Variants in SAMD4B observed in about 807,000 individuals in gnomAD.
SAMD4B encodes the protein sterile alpha motif domain containing 4B, also known as protein Smaug homolog 2.
In SAMD4B, 5 loss-of-function variants were observed where a neutral mutation model predicts 74.5. The ratio of observed to expected loss-of-function variants is 0.07; its 90% CI spans 0.04 to 0.14. The LOEUF (loss-of-function observed/expected upper bound fraction) is 0.14. Ranked by LOEUF, SAMD4B falls within the 10% of genes least tolerant of loss-of-function variation. The pLI, the probability that SAMD4B is intolerant of heterozygous loss-of-function variation, is 1.00. For synonymous variants in SAMD4B, 373 were observed against 374.9 expected (o/e 1.00, Z 0.06); for missense variants, 608 against 921.8 (o/e 0.66, Z 4.41).
chr19:39,351,826 C>T (rs1025805809), intron 1 of SAMD4B: 2 of 152,136 alleles, frequency 1.3e-5, no homozygotes, highest in Non-Finnish European at 2.9e-5. Flanking sequence ...GTAGTTCCAG[C>T]AAAAATCCAG....
intron 4 of SAMD4B, among the ~76,000 whole-genome samples, chr19:39,373,979 A>G (rs1293849585): frequency 6.7e-6 from 1 of 149,316 alleles, no homozygotes; most frequent in Non-Finnish European, 1.5e-5. Flanking sequence ...AAATATATAT[A>G]TATATGACCA....
chr19:39,366,808 C>T (rs1427830112), intron 3 of SAMD4B, among the ~76,000 whole-genome samples: 1 of 151,970 alleles, frequency 6.6e-6, no homozygotes, highest in African/African-American at 2.4e-5. Flanking sequence ...TCCTTGGAAT[C>T]GTAAAGGCCT....
rs1195139048 is a variant in SAMD4B at position 39,378,350 on chromosome 19, CATG to C, written c.1445-151_1445-149del. The stretch of plus-strand genomic sequence containing the variant: ...TGTCAGGCACTATGTTGTATATCCT[CATG>C]ATAACCCAAATACCATGGCTAGCAC... On this transcript the variant is annotated intron_variant, in intron 8 of 13. Coordinates refer to ENST00000610417, the MANE Select transcript of SAMD4B (RefSeq NM_001384574.2). The surrounding 1 kb of genome is among the most constrained non-coding windows in gnomAD (Gnocchi z 4.4). Among the ~76,000 whole-genome samples the C allele has an allele frequency of 6.6e-6, 1 of 152,196 alleles. No individual in the cohort carries two copies.
At chr19:39,388,302 C>T, downstream of SAMD4B, 2 of 1,612,046 alleles carry the variant, frequency 1.2e-6, no homozygotes, top group East Asian at 2.2e-5. Flanking sequence ...TTAAGAAGCA[C>T]AGATCCAGGC....
At chr19:39,351,079 T>G (rs2076013573) in intron 1 of SAMD4B, 1 of 152,182 alleles carries the variant, frequency 6.6e-6, no homozygotes, top group African/African-American at 2.4e-5. Flanking sequence ...CCTCCCGGGC[T>G]CAAGTGATTC....
At chr19:39,342,953 C>T (rs1230095658) in intron 1 of SAMD4B, among the ~76,000 whole-genome samples, 1 of 151,790 alleles carries the variant, frequency 6.6e-6, no homozygotes, top group East Asian at 1.9e-4. Context: ...CCACCCCTCC[C>T]GTGGAGTCGC....
chr19:39,374,513 G>A (rs1264595414), intron 4 of SAMD4B, among the ~76,000 whole-genome samples: 1 of 152,192 alleles, frequency 6.6e-6, no homozygotes. Flanking sequence ...GGTTTCTGCT[G>A]TCACAGGTCT....
chr19:39,388,769 T>C (rs1315838619), downstream of SAMD4B: 5 of 1,613,760 alleles, frequency 3.1e-6, no homozygotes, highest in South Asian at 1.1e-5. Context: ...TACCTAATCA[T>C]GGCCTGAGAC....
At chr19:39,389,198 C>T (rs2078317930), downstream of SAMD4B, 4 of 1,613,934 alleles carry the variant, frequency 2.5e-6, no homozygotes, top group East Asian at 2.2e-5. This position sits in a 1 kb window ranked among gnomAD's most constrained non-coding sequence, Gnocchi z 5.3. Context: ...AAACCCCAAT[C>T]CTAGGAATGA....
In SAMD4B at chr19:39,369,959, T is replaced by C; in HGVS notation, c.501T>C (p.His167=). ...GCTCCCGGCCAGAGCCCTCCTACCA[T>C]TCACGTCAAGGCTCAGATGAGTGGG... ...GFRSRPEPSY[H]SRQGSDEWGG... is the part of the protein sequence containing the mutation. Residue 167 remains histidine, a synonymous_variant, in exon 4 of 14, where the codon CAT becomes CAC. Coordinates refer to ENST00000610417, the MANE Select transcript of SAMD4B (RefSeq NM_001384574.2). The C allele has an allele frequency of 2.5e-6, 4 of 1,613,796 alleles. No individual in the cohort carries two copies. The South Asian group carries it at 4.4e-5, about 18-fold the overall frequency.
In SAMD4B at chr19:39,383,251, G is replaced by C; in HGVS notation, c.2016G>C (p.Leu672=). The change falls in exon 13 of 14, where the codon CTG becomes CTC. Residue 672 remains leucine (L), a synonymous_variant. Transcript: ENST00000610417. This position sits in a 1 kb window ranked among gnomAD's most constrained non-coding sequence, Gnocchi z 4.1. ...CTGACCTGGAGATCAATCCCACTCTGGAGTCTCTGTGTCTGAGCATGACAG... is the reference window on the plus strand; with the variant it reads ...CTGACCTGGAGATCAATCCCACTCTCGAGTCTCTGTGTCTGAGCATGACAG... ...PGPDLEINPT[L]ESLCLSMTEH... 1 of 1,614,080 alleles carries C rather than the reference G, an allele frequency of 6.2e-7. No individual in the cohort carries two copies. The highest frequency in any genetic ancestry group is 8.5e-7 in the Non-Finnish European group (1 of 1,180,004).
At chr19:39,344,657 T>A (rs1283153457) in intron 1 of SAMD4B, among the ~76,000 whole-genome samples, 1 of 152,144 alleles carries the variant, frequency 6.6e-6, no homozygotes, top group South Asian at 2.1e-4. Context: ...CTCAGAGACC[T>A]TTCTCAGGGG....
intron 3 of SAMD4B, 93 bp downstream of exon 3, chr19:39,357,182 A>T: frequency 1.7e-6 from 2 of 1,168,138 alleles, no homozygotes; most frequent in Non-Finnish European, 2.4e-6. Context: ...CAATGGGACT[A>T]AAAAACGTGG....
rs2077909634 is a variant in SAMD4B at position 39,380,612 on chromosome 19, C to G, written c.1675C>G (p.Pro559Ala). 6.2e-7 allele frequency: 1 copy of G among 1,614,096 alleles called. No individual in the cohort carries two copies. The highest frequency in any genetic ancestry group is 1.3e-5 in the African/African-American group (1 of 74,944). The change falls in exon 11 of 14, where the codon CCC (proline) becomes GCC (alanine). Residue 559 changes from proline to alanine, a missense_variant. Physicochemically the swap from Pro to Ala is conservative, Grantham distance 27 (BLOSUM62 -1). Transcript: ENST00000610417. ...CTGGGCATTCGGCTCCAACTCGCTCCCCATAGCTGGCTCTGTGGGGATGGG... is the reference window on the plus strand; with the variant it reads ...CTGGGCATTCGGCTCCAACTCGCTCGCCATAGCTGGCTCTGTGGGGATGGG... ...KGWAFGSNSL[P>A]IAGSVGMGVA...
At chr19:39,356,087 T>C (rs2076327148) in intron 2 of SAMD4B, among the ~76,000 whole-genome samples, 1 of 152,158 alleles carries the variant, frequency 6.6e-6, no homozygotes, top group African/African-American at 2.4e-5. Flanking sequence ...ACCTGATAGA[T>C]ACCCAGCCAG....
At chr19:39,365,050 T>C (rs1304798623) in intron 3 of SAMD4B, among the ~76,000 whole-genome samples, 1 of 150,280 alleles carries the variant, frequency 6.7e-6, no homozygotes, top group Non-Finnish European at 1.5e-5. Context: ...CCATCCTGGC[T>C]AACACGGTGA....
At chr19:39,352,186 T>G (rs2076078499) in intron 1 of SAMD4B, 1 of 152,166 alleles carries the variant, frequency 6.6e-6, no homozygotes, top group South Asian at 2.1e-4. Context: ...AAGTAACTGT[T>G]TCACTAAAGC....
downstream of SAMD4B, chr19:39,389,955 A>T: frequency 4.8e-6 from 5 of 1,051,150 alleles, no homozygotes; most frequent in Non-Finnish European, 7.3e-6. The surrounding 1 kb of genome is among the most constrained non-coding windows in gnomAD (Gnocchi z 5.3). Context: ...AGCTACTACT[A>T]TGTGCTAGGG....
Position 39,383,660 on chromosome 19 carries a change from C to A in SAMD4B, c.*133C>A. ...ATTCTAATATTTTTCTACTCTCTTA[C>A]CCTCTTAACTTTTGTTTAACATTGG... On this transcript the variant is annotated 3_prime_UTR_variant, in exon 14 of 14. Transcript: ENST00000610417. This position sits in a 1 kb window ranked among gnomAD's most constrained non-coding sequence, Gnocchi z 4.1. 1.9e-6 allele frequency: 3 copies of A among 1,586,214 alleles called. No homozygotes were observed. Among genetic ancestry groups the A allele is most frequent in the Non-Finnish European group, 2.6e-6 (3 of 1,168,814 alleles).
Sources: allele counts gnomAD v4.1 joint callset (sites outside exome capture counted in the v4.1 genomes callset), GRCh38; gene constraint gnomAD v4.1.1; non-coding constraint Gnocchi (gnomAD v3.1); transcripts MANE v1.5; gene names NCBI Gene and HGNC (gene_info 2026-07-23, HGNC 2026-07-21).